PTPN3: variants seen among roughly 807,000 people sequenced by gnomAD.
PTPN3 encodes the protein protein tyrosine phosphatase non-receptor type 3.
A neutral mutation model predicts 132.7 loss-of-function variants in PTPN3; 96 were observed. The ratio of observed to expected loss-of-function variants is 0.72; its 90% CI spans 0.61 to 0.86. The LOEUF (loss-of-function observed/expected upper bound fraction) is 0.86, where lower values mean the gene tolerates loss of function less well. Among genes scored for constraint, PTPN3 ranks in the 40% least tolerant of loss-of-function variants. The pLI is 0.00. For missense variants in PTPN3, 1,125 were observed against 1,159.6 expected, an observed-to-expected ratio of 0.97 and a Z score of 0.43; for synonymous variants, 398 against 429.0, an observed-to-expected ratio of 0.93 and a Z score of 0.89.
At chr9:109,458,213 C>T (rs1192698936) in intron 2 of PTPN3, among the ~76,000 whole-genome samples, 2 of 152,136 alleles carry the variant, frequency 1.3e-5, no homozygotes, top group African/African-American at 4.8e-5. Flanking sequence ...ATGGTCATCT[C>T]GACTGGGGCC....
chr9:109,428,045 C>T (rs1327589890), intron 11 of PTPN3, among the ~76,000 whole-genome samples: 1 of 152,210 alleles, frequency 6.6e-6, no homozygotes, highest in Admixed American at 6.5e-5. Flanking sequence ...GAGATATATA[C>T]ACCTACCAAG....
chr9:109,450,465 G>C (rs529660892), intron 5 of PTPN3: 4 of 983,072 alleles, frequency 4.1e-6, no homozygotes, highest in African/African-American at 3.5e-5. Context: ...TCTTCCTAGG[G>C]ATATAAATGA....
chr9:109,468,588 G>C (rs565301683), intron 1 of PTPN3, among the ~76,000 whole-genome samples: 10 of 151,968 alleles, frequency 6.6e-5, no homozygotes, highest in African/African-American at 2.4e-4. Context: ...GGATGGTCTC[G>C]ATCTCCTGAC....
chr9:109,506,142 A>G, the PTPN3 span, among the ~76,000 whole-genome samples: 19 of 152,146 alleles, frequency 1.2e-4, no homozygotes, highest in African/African-American at 4.3e-4. Flanking sequence ...CCAACCACAT[A>G]TACGGACCCT....
At chr9:109,405,892 G>A (rs1841521211) in intron 18 of PTPN3, among the ~76,000 whole-genome samples, 1 of 152,124 alleles carries the variant, frequency 6.6e-6, no homozygotes, top group African/African-American at 2.4e-5. Context: ...GGCCCCAAGT[G>A]CCATTTAATC....
intron 1 of PTPN3, 89 bp from the exon 2 acceptor site, chr9:109,463,540 G>A (rs1267830152): frequency 4.0e-6 from 5 of 1,240,264 alleles, no homozygotes; most frequent in East Asian, 2.4e-5. Context: ...CCATCCTCTC[G>A]ATACTGTCTG....
rs907931810 is a variant in PTPN3 at position 109,498,092 on chromosome 9, C to A, written c.-18+127G>T. 3.4e-5 allele frequency: 5 copies of A among 145,740 alleles called. No homozygotes were observed. The highest frequency in any genetic ancestry group is 7.6e-5 in the Non-Finnish European group (5 of 65,606). The allele number at this position is 145,740 out of a possible 1,614,324, so 9.0% of individuals were successfully genotyped here. A position where few individuals can be genotyped will look rare whatever the true frequency, so the allele number is the denominator to read the frequency against. The stretch of plus-strand genomic sequence containing the variant: ...GGGGATCCCGGTGCAGCCGCACCCG[C>A]CAGCCCGCCCGCGCGTCCGCCGCGC... On this transcript the variant is annotated intron_variant, in intron 1 of 25. Coordinates refer to ENST00000374541, the MANE Select transcript of PTPN3 (RefSeq NM_002829.4). This position sits in a 1 kb window ranked among gnomAD's most constrained non-coding sequence, Gnocchi z 4.2.
intron 22 of PTPN3, among the ~76,000 whole-genome samples, chr9:109,387,481 C>T (rs78061359): frequency 0.029 from 4,479 of 152,316 alleles, 120 homozygotes; most frequent in East Asian, 0.15. Flanking sequence ...AACCTATCTG[C>T]CTCTGGCCCT....
At chr9:109,386,852 G>A (rs1317306403) in intron 22 of PTPN3, among the ~76,000 whole-genome samples, 2 of 152,332 alleles carry the variant, frequency 1.3e-5, no homozygotes, top group Admixed American at 6.5e-5. Context: ...CCAAGGGATG[G>A]ACAAGACGGG....
At position 109,468,359 on chromosome 9, in the gene PTPN3, T is replaced by A. The variant is rs532846992; in HGVS notation, c.-17-4908A>T. 8.6e-5 allele frequency among the ~76,000 whole-genome samples: 13 copies of A among 152,020 alleles called. No homozygotes were observed. In the South Asian group the frequency reaches 2.7e-3, roughly 32 times the overall value. ...AAGCTCTATTGTGGATACAGTTTTT[T>A]TTTTTGTTTGTTTGTTTGTTTTTTT... On this transcript the variant is annotated intron_variant, in intron 1 of 25. Transcript: ENST00000374541.
chr9:109,506,615 T>C, the PTPN3 span, among the ~76,000 whole-genome samples: 11 of 150,726 alleles, frequency 7.3e-5, no homozygotes, highest in African/African-American at 2.4e-4. Context: ...TTCTTTTTTT[T>C]TTTTTGCGAC....
In PTPN3 at chr9:109,452,600, C is replaced by T. The variant is rs369689868; in HGVS notation, c.368+1896G>A. ...TTTTTTTCTGCAACAGGGTCTCAGT[C>T]GATCACTTAGGCTGGAGTACATGGC... On this transcript the variant is annotated intron_variant, in intron 5 of 25. Coordinates refer to ENST00000374541, the MANE Select transcript of PTPN3 (RefSeq NM_002829.4). Among the ~76,000 whole-genome samples, 302 of 151,274 alleles carry T rather than the reference C, an allele frequency of 2.0e-3. 3 individuals are homozygous for T. Among genetic ancestry groups the T allele is most frequent in the African/African-American group, 6.9e-3 (286 of 41,196 alleles).
At chr9:109,448,147 C>T (rs1416744579) in intron 6 of PTPN3, among the ~76,000 whole-genome samples, 2 of 152,152 alleles carry the variant, frequency 1.3e-5, no homozygotes, top group African/African-American at 2.4e-5. Flanking sequence ...TGTCTCATTT[C>T]CCCAGTGAGA....
intron 1 of PTPN3, among the ~76,000 whole-genome samples, chr9:109,468,804 C>A (rs942842554): frequency 6.6e-6 from 1 of 152,272 alleles, no homozygotes; most frequent in African/African-American, 2.4e-5. Flanking sequence ...ATGTGGGACA[C>A]ATACCAGGCA....
intron 19 of PTPN3, among the ~76,000 whole-genome samples, chr9:109,397,017 G>A (rs1423750694): frequency 2.6e-5 from 4 of 152,046 alleles, no homozygotes; most frequent in Non-Finnish European, 4.4e-5. Flanking sequence ...AACAGAAAAA[G>A]GGGAATTCCT....
chr9:109,489,385 G>A (rs1847354275), intron 1 of PTPN3, among the ~76,000 whole-genome samples: 1 of 152,202 alleles, frequency 6.6e-6, no homozygotes, highest in South Asian at 2.1e-4. Context: ...CCATGCAGAG[G>A]TTAGTTTTGT....
At chr9:109,435,219 C>T (rs1588421835) in intron 9 of PTPN3, among the ~76,000 whole-genome samples, 1 of 152,172 alleles carries the variant, frequency 6.6e-6, no homozygotes, top group Non-Finnish European at 1.5e-5. Context: ...CACCTCAACC[C>T]CTGCAGCATA....
chr9:109,511,625 C>A, the PTPN3 span: 1 of 153,104 alleles, frequency 6.5e-6, no homozygotes, highest in Non-Finnish European at 1.5e-5. Context: ...GGAGAGGGGC[C>A]CAGCCAGGCC....
At chr9:109,384,344 T>G (rs1276987111) in intron 22 of PTPN3, among the ~76,000 whole-genome samples, 2 of 152,202 alleles carry the variant, frequency 1.3e-5, no homozygotes, top group African/African-American at 4.8e-5. Context: ...GAAGGCTTTC[T>G]TAGGTGACGC....
Sources: allele counts gnomAD v4.1 joint callset (sites outside exome capture counted in the v4.1 genomes callset), GRCh38; gene constraint gnomAD v4.1.1; non-coding constraint Gnocchi (gnomAD v3.1); transcripts MANE v1.5; gene names NCBI Gene and HGNC (gene_info 2026-07-23, HGNC 2026-07-21).